STPG2: variants seen among roughly 807,000 people sequenced by gnomAD.
STPG2 encodes sperm-tail PG-rich repeat-containing protein 2.
A neutral mutation model predicts 54.2 loss-of-function variants in STPG2; 56 were observed. That is an observed-to-expected ratio of 1.03 (90% CI 0.83 to 1.29). The LOEUF (loss-of-function observed/expected upper bound fraction) is 1.29, where lower values mean the gene tolerates loss of function less well. Ranked by LOEUF, STPG2 falls within the 50% of genes most tolerant of loss-of-function variation. STPG2 has a pLI of 0.00. For missense variants in STPG2, 596 were observed against 544.9 expected (o/e 1.09, Z -0.93); for synonymous variants, 200 against 181.8 (o/e 1.10, Z -0.81).
chr4:97,635,892 G>A (rs1280394451), intron 10 of STPG2, among the ~76,000 whole-genome samples: 1 of 151,896 alleles, frequency 6.6e-6, no homozygotes, highest in East Asian at 1.9e-4. Context: ...ATTAACAATG[G>A]GAGACTTTAA....
chr4:97,566,155 C>T (rs930656417), intron 10 of STPG2, among the ~76,000 whole-genome samples: 5 of 152,176 alleles, frequency 3.3e-5, no homozygotes, highest in African/African-American at 9.6e-5. Context: ...TGCCTCTCCC[C>T]CAGCCTCGCT....
intron 4 of STPG2, among the ~76,000 whole-genome samples, chr4:97,481,392 G>A (rs1454199258): frequency 6.6e-6 from 1 of 151,334 alleles, no homozygotes; most frequent in Non-Finnish European, 1.5e-5. Flanking sequence ...AATCAGCTTG[G>A]CAATTTCTGA....
intron 8 of STPG2, among the ~76,000 whole-genome samples, chr4:97,849,962 A>G (rs1170367927): frequency 1.3e-5 from 2 of 152,048 alleles, no homozygotes; most frequent in Non-Finnish European, 2.9e-5. Context: ...TTATAAAGAC[A>G]CATGCACACG....
At chr4:97,777,777 A>C (rs1726428549) in intron 9 of STPG2, among the ~76,000 whole-genome samples, 1 of 152,222 alleles carries the variant, frequency 6.6e-6, no homozygotes. Context: ...ACTTGCTTTA[A>C]CTAGGATAAA....
chr4:97,687,119 A>T (rs13144441), intron 10 of STPG2, among the ~76,000 whole-genome samples: 6 of 149,738 alleles, frequency 4.0e-5, no homozygotes, highest in African/African-American at 1.5e-4. Context: ...TTTTTTTTTT[A>T]TTTTTTATTT....
Position 97,452,921 on chromosome 4 carries a change from C to T in STPG2, c.462+259778G>A, listed in dbSNP as rs191795963. 4.6e-5 allele frequency among the ~76,000 whole-genome samples: 7 copies of T among 152,338 alleles called. No homozygotes were observed. The East Asian group carries it at 1.4e-3, about 30-fold the overall frequency. ...AGCGTTCTATTGCTCAATATAACTTCTCTTCATCTTATTCATCTTCCACTT... is the reference window on the plus strand; with the variant it reads ...AGCGTTCTATTGCTCAATATAACTTTTCTTCATCTTATTCATCTTCCACTT... On this transcript the variant is annotated intron_variant, in intron 4 of 4. Transcript: ENST00000522676.
intron 10 of STPG2, among the ~76,000 whole-genome samples, chr4:97,656,636 T>A (rs1340844245): frequency 6.6e-6 from 1 of 151,282 alleles, no homozygotes; most frequent in Non-Finnish European, 1.5e-5. Flanking sequence ...CAGCTCATGT[T>A]ACCCTTAAAT....
intron 5 of STPG2, among the ~76,000 whole-genome samples, chr4:98,005,953 T>G (rs908823148): frequency 6.6e-6 from 1 of 152,210 alleles, no homozygotes; most frequent in African/African-American, 2.4e-5. Flanking sequence ...GTGTTAACTC[T>G]TTAAATGTTT....
In STPG2 at chr4:97,794,110, T is replaced by C. The variant is rs1727093522; in HGVS notation, c.1204+46663A>G. 2.0e-5 allele frequency among the ~76,000 whole-genome samples: 3 copies of C among 152,132 alleles called. No individual in the cohort carries two copies. In the South Asian group the frequency reaches 6.2e-4, roughly 31 times the overall value. On this transcript the variant is annotated intron_variant, in intron 9 of 10. Transcript: ENST00000295268. ...AATATATTTATCATTAAAAGTTACA[T>C]ATAAAATAACATTCCCCAAATGCTA...
intron 6 of STPG2, among the ~76,000 whole-genome samples, chr4:97,976,214 G>A (rs561888007): frequency 7.3e-4 from 111 of 152,066 alleles, no homozygotes; most frequent in African/African-American, 1.9e-3. Flanking sequence ...TATTATTCCC[G>A]CTGCTGTTCA....
chr4:97,454,226 G>C (rs918420222), intron 4 of STPG2, among the ~76,000 whole-genome samples: 1 of 151,950 alleles, frequency 6.6e-6, no homozygotes, highest in African/African-American at 2.4e-5. Context: ...CAACAGAAAA[G>C]GGATTCGCCG....
chr4:97,828,341 A>G lies in STPG2; in HGVS notation c.1204+12432T>C, dbSNP rs1728331619. 4.6e-5 allele frequency among the ~76,000 whole-genome samples: 7 copies of G among 152,246 alleles called. No individual in the cohort carries two copies. In the South Asian group the frequency reaches 1.5e-3, roughly 32 times the overall value. On this transcript the variant is annotated intron_variant, in intron 9 of 10. Transcript: ENST00000295268. ...GCCATGAGGGACTGTGCTGTGAGGA[A>G]TGGTGCACTCTGGCCCAGACACTGC...
chr4:97,533,231 CA>C (rs1283656585), intron 4 of STPG2, among the ~76,000 whole-genome samples: 1 of 151,506 alleles, frequency 6.6e-6, no homozygotes, highest in African/African-American at 2.4e-5. Flanking sequence ...CATAAAGAGT[CA>C]AAAAAGCACA....
At chr4:97,954,450 C>T (rs1025612129) in intron 7 of STPG2, among the ~76,000 whole-genome samples, 1 of 152,146 alleles carries the variant, frequency 6.6e-6, no homozygotes, top group Non-Finnish European at 1.5e-5. Context: ...TTTGAGGAGC[C>T]TCAAAGCACA....
intron 5 of STPG2, among the ~76,000 whole-genome samples, chr4:98,007,081 C>T (rs1377808423): frequency 1.3e-5 from 2 of 152,204 alleles, no homozygotes; most frequent in Non-Finnish European, 2.9e-5. Context: ...TGCTCCAAGG[C>T]TGAATGTAAA....
chr4:97,828,715 C>A (rs1358210999), intron 9 of STPG2, among the ~76,000 whole-genome samples: 1 of 152,114 alleles, frequency 6.6e-6, no homozygotes, highest in Admixed American at 6.6e-5. Flanking sequence ...GCGGGAGGGG[C>A]ATCCACCACT....
At chr4:98,139,064 A>G (rs941385701) in intron 1 of STPG2, among the ~76,000 whole-genome samples, 3 of 152,098 alleles carry the variant, frequency 2.0e-5, no homozygotes, top group Non-Finnish European at 4.4e-5. Context: ...CTTCTCAGGT[A>G]ATCTTAAGAA....
intron 3 of STPG2, among the ~76,000 whole-genome samples, chr4:98,112,579 T>C (rs542831389): frequency 6.6e-6 from 1 of 152,272 alleles, no homozygotes; most frequent in South Asian, 2.1e-4. Flanking sequence ...CTTTAATGTT[T>C]GCATGAAGTA....
intron 8 of STPG2, among the ~76,000 whole-genome samples, chr4:97,924,509 C>T (rs1373163244): frequency 3.3e-5 from 5 of 152,140 alleles, no homozygotes; most frequent in Non-Finnish European, 5.9e-5. Context: ...CTATGTTAAG[C>T]ATATCAGTGA....
Sources: allele counts gnomAD v4.1 joint callset (sites outside exome capture counted in the v4.1 genomes callset), GRCh38; gene constraint gnomAD v4.1.1; transcripts MANE v1.5; gene names NCBI Gene and HGNC (gene_info 2026-07-23, HGNC 2026-07-21).